ADGRL3: variants seen among roughly 807,000 people sequenced by gnomAD.
ADGRL3 encodes adhesion G protein-coupled receptor L3.
ADGRL3 carries 62 observed loss-of-function variants against 153.5 expected under a neutral mutation model. The observed-to-expected ratio is 0.40, with a 90% CI of 0.33 to 0.50. The LOEUF (loss-of-function observed/expected upper bound fraction) is 0.50. Among genes scored for constraint, ADGRL3 ranks in the 20% least tolerant of loss-of-function variants. ADGRL3 has a pLI of 0.47. For missense variants in ADGRL3, 1,641 were observed against 1,859.4 expected (o/e 0.88, Z 2.16); for synonymous variants, 710 against 672.5 (o/e 1.06, Z -0.86).
At chr4:61,283,683 G>GA (rs1165912705) in intron 1 of ADGRL3, among the ~76,000 whole-genome samples, 2 of 151,962 alleles carry the variant, frequency 1.3e-5, no homozygotes, top group Non-Finnish European at 2.9e-5. Flanking sequence ...AGGATAAAGG[G>GA]AAAAAACACG....
intron 1 of ADGRL3, among the ~76,000 whole-genome samples, chr4:61,362,577 G>C (rs1209348583): frequency 6.6e-6 from 1 of 152,068 alleles, no homozygotes; most frequent in East Asian, 1.9e-4. Flanking sequence ...TATTCTGAAA[G>C]TAAGCTGAAG....
rs936580402 is a variant in ADGRL3, at chr4:61,267,723, G to A, written c.-240+65958G>A. On this transcript the variant is annotated intron_variant, in intron 1 of 26. Coordinates refer to ENST00000683033, the MANE Select transcript of ADGRL3 (RefSeq NM_001387552.1). ...ATGTACTGGCATACAAAAACTGTGAGCCTCTCAATAAAAAGGCAGGCTGTA... is the reference window on the plus strand; with the variant it reads ...ATGTACTGGCATACAAAAACTGTGAACCTCTCAATAAAAAGGCAGGCTGTA... Among the ~76,000 whole-genome samples the A allele has an allele frequency of 7.9e-5, 12 of 151,710 alleles. 1 individual carries two copies. The highest frequency in any genetic ancestry group is 7.9e-4 in the Admixed American group (12 of 15,190).
intron 3 of ADGRL3, among the ~76,000 whole-genome samples, chr4:61,507,997 T>G (rs1422725685): frequency 1.3e-5 from 2 of 152,198 alleles, no homozygotes; most frequent in Non-Finnish European, 2.9e-5. Context: ...TTTGTTACCA[T>G]GAACTTAAAT....
chr4:61,669,097 T>C (rs2094904666), intron 5 of ADGRL3, among the ~76,000 whole-genome samples: 1 of 152,228 alleles, frequency 6.6e-6, no homozygotes, highest in Non-Finnish European at 1.5e-5. Context: ...AAATTGTAAG[T>C]GGACAACGTC....
At chr4:61,657,748 T>G (rs2094480313) in intron 5 of ADGRL3, among the ~76,000 whole-genome samples, 1 of 152,210 alleles carries the variant, frequency 6.6e-6, no homozygotes, top group East Asian at 1.9e-4. Flanking sequence ...TATAAATGTA[T>G]GCATATTGCA....
chr4:61,616,038 G>T (rs374125644), intron 5 of ADGRL3, among the ~76,000 whole-genome samples: 1 of 152,000 alleles, frequency 6.6e-6, no homozygotes, highest in Non-Finnish European at 1.5e-5. Context: ...TGCAAACATT[G>T]TACAGGTCAT....
At chr4:61,357,278 C>T (rs952787811) in intron 1 of ADGRL3, among the ~76,000 whole-genome samples, 3 of 151,714 alleles carry the variant, frequency 2.0e-5, no homozygotes, top group African/African-American at 4.8e-5. Flanking sequence ...TTTAGGAATA[C>T]GAAAACTATT....
At chr4:61,565,623 T>A (rs1027128633) in intron 4 of ADGRL3, among the ~76,000 whole-genome samples, 2 of 152,082 alleles carry the variant, frequency 1.3e-5, no homozygotes, top group African/African-American at 4.8e-5. Flanking sequence ...CTGCAACCTC[T>A]GCCTTCCGGG....
chr4:61,502,484 GTTTT>G (rs3075117), intron 3 of ADGRL3, among the ~76,000 whole-genome samples: 1 of 144,316 alleles, frequency 6.9e-6, no homozygotes, highest in Admixed American at 6.9e-5. Flanking sequence ...GCTTATACAT[GTTTT>G]TTTTTTTTTT....
intron 1 of ADGRL3, among the ~76,000 whole-genome samples, chr4:61,365,421 G>C (rs1178258279): frequency 2.0e-5 from 3 of 152,210 alleles, no homozygotes; most frequent in Non-Finnish European, 4.4e-5. Flanking sequence ...TGATGTTCAA[G>C]AGCATTTGGG....
At chr4:61,589,181 G>T (rs2098959059) in intron 5 of ADGRL3, among the ~76,000 whole-genome samples, 1 of 152,034 alleles carries the variant, frequency 6.6e-6, no homozygotes, top group Admixed American at 6.6e-5. Flanking sequence ...AATCACTTGT[G>T]TAAACCCTCC....
chr4:61,346,384 A>G (rs1416687233), intron 1 of ADGRL3, among the ~76,000 whole-genome samples: 1 of 151,712 alleles, frequency 6.6e-6, no homozygotes, highest in Non-Finnish European at 1.5e-5. Context: ...GGAGAAAATT[A>G]AAGTCGTTTT....
At chr4:61,494,706 C>T (rs766513021) in intron 2 of ADGRL3, among the ~76,000 whole-genome samples, 2 of 151,936 alleles carry the variant, frequency 1.3e-5, no homozygotes, top group African/African-American at 2.4e-5. Context: ...AATGCTTTCT[C>T]TATTTGTAAA....
At position 61,432,648 on chromosome 4, in the gene ADGRL3, T is replaced by TTCTTTCTTTCTTTC. The variant is rs1560623730; in HGVS notation, c.-174+49468_-174+49469insCTTTCTCTTTCTTT. Among the ~76,000 whole-genome samples, 6 of 41,568 alleles carry TTCTTTCTTTCTTTC rather than the reference T, an allele frequency of 1.4e-4. 1 individual carries two copies. Among genetic ancestry groups the TTCTTTCTTTCTTTC allele is most frequent in the African/African-American group, 5.0e-4 (6 of 11,898 alleles). The allele number at this position is 41,568 out of a possible 152,430, so 27.3% of individuals were successfully genotyped here. A position where few individuals can be genotyped will look rare whatever the true frequency, so the allele number is the denominator to read the frequency against. Reference sequence around the variant, plus strand: ...TTTCTTTCTTTCTTTCTTTCTTTCTTTCTTTCTTTTTTTTTTTTTTTTGAG... The same window carrying TTCTTTCTTTCTTTC: ...TTTCTTTCTTTCTTTCTTTCTTTCTTTCTTTCTTTCTTTCTCTTTCTTTTTTTTTTTTTTTTGAG... On this transcript the variant is annotated intron_variant, in intron 2 of 26. Transcript: ENST00000683033.
At chr4:61,558,436 T>C (rs2098778763) in intron 4 of ADGRL3, among the ~76,000 whole-genome samples, 1 of 151,838 alleles carries the variant, frequency 6.6e-6, no homozygotes. Flanking sequence ...TAATCCATAA[T>C]ATTGCTTTCG....
chr4:61,889,802 G>A (rs2098559416), intron 9 of ADGRL3, among the ~76,000 whole-genome samples: 1 of 152,166 alleles, frequency 6.6e-6, no homozygotes, highest in East Asian at 1.9e-4. Flanking sequence ...TTGTGCAGTT[G>A]AGACAATAGG....
chr4:61,487,510 A>C (rs1460010285), intron 2 of ADGRL3, among the ~76,000 whole-genome samples: 1 of 152,104 alleles, frequency 6.6e-6, no homozygotes, highest in African/African-American at 2.4e-5. Context: ...TTTTGGAATA[A>C]ATTCATACAT....
chr4:61,518,827 A>G (rs993904746), intron 4 of ADGRL3, among the ~76,000 whole-genome samples: 8 of 152,132 alleles, frequency 5.3e-5, no homozygotes, highest in Admixed American at 5.2e-4. Flanking sequence ...TGGATAGTAA[A>G]CATTCTTTAA....
At chr4:61,274,941 G>T (rs2093389551) in intron 1 of ADGRL3, among the ~76,000 whole-genome samples, 1 of 152,092 alleles carries the variant, frequency 6.6e-6, no homozygotes, top group South Asian at 2.1e-4. Context: ...AACAAAACAA[G>T]ATGGACACTT....
Sources: allele counts gnomAD v4.1 joint callset (sites outside exome capture counted in the v4.1 genomes callset), GRCh38; gene constraint gnomAD v4.1.1; transcripts MANE v1.5; gene names NCBI Gene and HGNC (gene_info 2026-07-23, HGNC 2026-07-21).